NIBAN1: variants seen among roughly 807,000 people sequenced by gnomAD.
NIBAN1 encodes the protein niban apoptosis regulator 1.
Under a neutral mutation model 75.1 loss-of-function variants are expected in NIBAN1, and 81 were observed. The ratio of observed to expected loss-of-function variants is 1.08; its 90% CI spans 0.90 to 1.30. NIBAN1 has a LOEUF of 1.30. Among genes scored for constraint, NIBAN1 ranks in the 50% most tolerant of loss-of-function variants. The pLI, the probability that NIBAN1 is intolerant of heterozygous loss-of-function variation, is 0.00. For missense variants in NIBAN1, 1,133 were observed against 1,128.1 expected, an observed-to-expected ratio of 1.00 and a Z score of -0.06; for synonymous variants, 436 against 424.8, an observed-to-expected ratio of 1.03 and a Z score of -0.32.
At chr1:184,807,194 T>G (rs1216933181) in intron 10 of NIBAN1, among the ~76,000 whole-genome samples, 1 of 152,122 alleles carries the variant, frequency 6.6e-6, no homozygotes, top group Non-Finnish European at 1.5e-5. Context: ...CCTCAGAATA[T>G]CTGTGTGAAA....
At chr1:184,861,187 A>T (rs1254228949) in intron 5 of NIBAN1, among the ~76,000 whole-genome samples, 1 of 152,216 alleles carries the variant, frequency 6.6e-6, no homozygotes, top group Non-Finnish European at 1.5e-5. Context: ...TTCCACACAC[A>T]AACAGGTGGC....
chr1:184,877,853 A>T (rs1656271440), intron 5 of NIBAN1, among the ~76,000 whole-genome samples: 1 of 152,212 alleles, frequency 6.6e-6, no homozygotes, highest in African/African-American at 2.4e-5. Context: ...TTATAGTAAT[A>T]TCAAAAACTG....
At chr1:184,928,877 G>T (rs758553748) in intron 1 of NIBAN1, among the ~76,000 whole-genome samples, 1 of 152,034 alleles carries the variant, frequency 6.6e-6, no homozygotes, top group Non-Finnish European at 1.5e-5. Flanking sequence ...GAGGAAAATC[G>T]CTGGAGGCTT....
At chr1:184,972,853 C>G (rs898044352) in intron 1 of NIBAN1, among the ~76,000 whole-genome samples, 1 of 152,230 alleles carries the variant, frequency 6.6e-6, no homozygotes, top group African/African-American at 2.4e-5. Context: ...CATTGCTTAA[C>G]TTCAAATGAT....
At position 184,831,854 on chromosome 1, in the gene NIBAN1, TCATCCC is replaced by T; in HGVS notation, c.704_709del (p.Gly235_Asp236del). 6.2e-7 allele frequency: 1 copy of T among 1,613,662 alleles called. No individual in the cohort carries two copies. The highest frequency in any genetic ancestry group is 1.1e-5 in the South Asian group (1 of 91,042). The stretch of plus-strand genomic sequence containing the variant: ...TTTTGAACCCCATATTACCTGGATT[TCATCCC>T]CAGTGATCATTTCCCAGGAACCATA... On this transcript the variant is annotated inframe_deletion, in exon 6 of 14. Transcript: ENST00000367511.
intron 6 of NIBAN1, among the ~76,000 whole-genome samples, chr1:184,830,661 T>C (rs1351681915): frequency 6.6e-6 from 1 of 151,952 alleles, no homozygotes; most frequent in Admixed American, 6.6e-5. Flanking sequence ...TCTCTAATAA[T>C]GAATTTCACT....
At chr1:184,806,819 A>G (rs1557871323) in intron 10 of NIBAN1, among the ~76,000 whole-genome samples, 1 of 135,920 alleles carries the variant, frequency 7.4e-6, no homozygotes, top group Non-Finnish European at 1.5e-5. Flanking sequence ...AGGCTGGAGT[A>G]GTGCAGTGGC....
At chr1:184,892,860 C>G (rs545838189) in intron 3 of NIBAN1, among the ~76,000 whole-genome samples, 1 of 152,142 alleles carries the variant, frequency 6.6e-6, no homozygotes, top group African/African-American at 2.4e-5. Context: ...CAACCTCAAC[C>G]TCCCGAGTTC....
intron 5 of NIBAN1, among the ~76,000 whole-genome samples, chr1:184,878,560 C>T (rs922323852): frequency 6.6e-6 from 1 of 152,064 alleles, no homozygotes; most frequent in South Asian, 2.1e-4. Context: ...GACAAAATAC[C>T]AAGTTAAACA....
Position 184,894,188 on chromosome 1 carries a change from TTCCAGGC to T in NIBAN1, c.198_204del (p.Pro67LeufsTer15). ...GATAGCTCTGCTTCATACAAAATAG[TTCCAGGC>T]GCCAATGGTGGCTTAAAGAAGATGA... On this transcript the variant is annotated frameshift_variant, in exon 3 of 14. Coordinates refer to ENST00000367511, the MANE Select transcript of NIBAN1 (RefSeq NM_052966.4). LOFTEE classifies it high-confidence loss of function. The T allele has an allele frequency of 6.2e-7, 1 of 1,607,230 alleles. No homozygotes were observed. Among genetic ancestry groups the T allele is most frequent in the Non-Finnish European group, 8.5e-7 (1 of 1,177,712 alleles).
rs79872292 is a variant in NIBAN1 at position 184,818,560 on chromosome 1, A to C, written c.1173+78T>G. On this transcript the variant is annotated intron_variant, in intron 9 of 13. Transcript: ENST00000367511. ...AAGGAAAGAAGGGAGGAAGGGAGGG[A>C]GAAATGGCAGATAAAGCCCCATGGA... is the stretch of plus-strand genomic sequence containing the variant. The C allele has an allele frequency of 4.1e-3, 5,408 of 1,325,612 alleles. 137 individuals are homozygous for C. In the East Asian group the frequency reaches 0.073, roughly 18 times the overall value. 82.1% of individuals were successfully genotyped at this position (1,325,612 alleles called of 1,614,324 possible). A position where few individuals can be genotyped will look rare whatever the true frequency, so the allele number is the denominator to read the frequency against.
At chr1:184,815,426 A>G (rs1654499655) in intron 9 of NIBAN1, among the ~76,000 whole-genome samples, 1 of 152,134 alleles carries the variant, frequency 6.6e-6, no homozygotes. Context: ...ACACTCCTGG[A>G]ACTGTACACC....
At chr1:184,912,682 T>C (rs927422564) in intron 1 of NIBAN1, among the ~76,000 whole-genome samples, 1 of 152,194 alleles carries the variant, frequency 6.6e-6, no homozygotes, top group African/African-American at 2.4e-5. Flanking sequence ...GTAGGAATTG[T>C]TTATAAATTT....
intron 6 of NIBAN1, among the ~76,000 whole-genome samples, chr1:184,831,529 C>T (rs901502962): frequency 1.3e-5 from 2 of 152,180 alleles, no homozygotes; most frequent in African/African-American, 4.8e-5. Context: ...TTCCTCGGTA[C>T]TCACACTTGA....
At chr1:184,939,980 C>A (rs1452484996) in intron 1 of NIBAN1, among the ~76,000 whole-genome samples, 1 of 152,154 alleles carries the variant, frequency 6.6e-6, no homozygotes, top group Non-Finnish European at 1.5e-5. Context: ...CCGGGAGTGT[C>A]TCAGAATATC....
chr1:184,875,675 T>C (rs1228651709), intron 5 of NIBAN1, among the ~76,000 whole-genome samples: 1 of 152,214 alleles, frequency 6.6e-6, no homozygotes, highest in African/African-American at 2.4e-5. Flanking sequence ...TGACTCCATT[T>C]TTTGAAGGAA....
In NIBAN1 at chr1:184,926,125, T is replaced by C. The variant is rs116119434; in HGVS notation, c.56-26816A>G. On this transcript the variant is annotated intron_variant, in intron 1 of 13. Transcript: ENST00000367511. ...ACTATTCTAGGATACAAGGTATTTT[T>C]TTTTTCCTTCGGTACTTGAAATATG... 9.2e-3 allele frequency among the ~76,000 whole-genome samples: 1,407 copies of C among 152,360 alleles called. 21 individuals are homozygous for C. Among genetic ancestry groups the C allele is most frequent in the African/African-American group, 0.032 (1,311 of 41,578 alleles).
chr1:184,974,026 C>A (rs1413810950), intron 1 of NIBAN1, among the ~76,000 whole-genome samples: 1 of 152,084 alleles, frequency 6.6e-6, no homozygotes, highest in Admixed American at 6.5e-5. Context: ...GGGGGCGGCA[C>A]TGACCCCGAG....
Position 184,808,157 on chromosome 1 carries a change from C to G in NIBAN1, c.1252G>C (p.Glu418Gln), listed in dbSNP as rs371190847. 1.9e-6 allele frequency: 3 copies of G among 1,614,022 alleles called. No individual in the cohort carries two copies. Among genetic ancestry groups the G allele is most frequent in the Non-Finnish European group, 1.7e-6 (2 of 1,180,000 alleles). The change falls in exon 10 of 14, where the codon GAG (glutamate) becomes CAG (glutamine). Residue 418 changes from glutamate (E) to glutamine (Q), a missense_variant. Glu to Gln is a conservative substitution (Grantham distance 29, BLOSUM62 2). Transcript: ENST00000367511. ...CGGCTCTTGAGATCCTGCAGGCGCT[C>G]GTGAAGCAGGTTGACTTTAGTATAA... The part of the protein sequence containing the change: ...PCYTKVNLLH[E>Q]RLQDLKSRFR...
Sources: allele counts gnomAD v4.1 joint callset (sites outside exome capture counted in the v4.1 genomes callset), GRCh38; gene constraint gnomAD v4.1.1; transcripts MANE v1.5; gene names NCBI Gene and HGNC (gene_info 2026-07-23, HGNC 2026-07-21).